The following SDK2 variants were observed in gnomAD, a reference collection of about 807,000 sequenced individuals.
SDK2 encodes the protein sidekick cell adhesion molecule 2.
SDK2 carries 105 observed loss-of-function variants against 253.9 expected under a neutral mutation model. The ratio of observed to expected loss-of-function variants is 0.41; its 90% CI spans 0.35 to 0.49. SDK2 has a LOEUF of 0.49. Ranked by LOEUF, SDK2 falls within the 20% of genes least tolerant of loss-of-function variation. The pLI is 0.06. For missense variants in SDK2, 2,608 were observed against 3,003.0 expected, an observed-to-expected ratio of 0.87 and a Z score of 3.07; for synonymous variants, 1,249 against 1,234.9, an observed-to-expected ratio of 1.01 and a Z score of -0.24.
At position 73,568,871 on chromosome 17, in the gene SDK2, G is replaced by T. The variant is rs537619281; in HGVS notation, c.65-61274C>A. ...GCTGGACAGCAGGGCCCACCTCTCT[G>T]CAGGCTTCATGTACTTTTGTGATAC... is the stretch of plus-strand genomic sequence containing the variant. On this transcript the variant is annotated intron_variant, in intron 1 of 44. Coordinates refer to ENST00000392650, the MANE Select transcript of SDK2 (RefSeq NM_001144952.2). Among the ~76,000 whole-genome samples the T allele has an allele frequency of 2.6e-5, 4 of 152,296 alleles. No individual in the cohort carries two copies. In the South Asian group the frequency reaches 6.2e-4, roughly 24 times the overall value.
intron 18 of SDK2, among the ~76,000 whole-genome samples, chr17:73,405,402 T>C (rs1393592849): frequency 9.0e-6 from 1 of 111,508 alleles, no homozygotes; most frequent in African/African-American, 3.5e-5. Context: ...ATTGCGACAC[T>C]GCACTCCAGC....
intron 40 of SDK2, among the ~76,000 whole-genome samples, chr17:73,355,184 T>TTTTTTTTTTTTTTTTTTTC (rs1568363079): frequency 2.2e-5 from 1 of 44,774 alleles, no homozygotes; most frequent in African/African-American, 1.9e-4. Context: ...ATTTTTTTTT[T>TTTTTTTTTTTTTTTTTTTC]TTTTTTTTTT....
chr17:73,374,198 C>A (rs1184360376), intron 36 of SDK2, among the ~76,000 whole-genome samples: 1 of 144,752 alleles, frequency 6.9e-6, no homozygotes, highest in Non-Finnish European at 1.5e-5. Flanking sequence ...TAATCTCTAG[C>A]TTTCAGTACC....
intron 1 of SDK2, among the ~76,000 whole-genome samples, chr17:73,528,797 T>C (rs149889944): frequency 4.6e-5 from 7 of 152,316 alleles, no homozygotes; most frequent in African/African-American, 1.7e-4. Flanking sequence ...GAAGCTTTTA[T>C]TTCCCGGTGA....
At position 73,389,275 on chromosome 17, in the gene SDK2, G is replaced by A. The variant is rs148942776; in HGVS notation, c.4192+1012C>T. 2.7e-3 allele frequency among the ~76,000 whole-genome samples: 386 copies of A among 144,334 alleles called. 4 individuals carry two copies. Among genetic ancestry groups the A allele is most frequent in the African/African-American group, 9.2e-3 (356 of 38,642 alleles). The allele number at this position is 144,334 out of a possible 152,430, so 94.7% of individuals were successfully genotyped here. ...CTCAGCTCACTGTGACCTCCGCCTC[G>A]CAGGTTCAAGCGATTCTTTTGCCTC... On this transcript the variant is annotated intron_variant, in intron 29 of 44. Coordinates refer to ENST00000392650, the MANE Select transcript of SDK2 (RefSeq NM_001144952.2).
chr17:73,616,399 G>C lies in SDK2; in HGVS notation c.64+27626C>G, dbSNP rs1449758678. On this transcript the variant is annotated intron_variant, in intron 1 of 44. Coordinates refer to ENST00000392650, the MANE Select transcript of SDK2 (RefSeq NM_001144952.2). This position sits in a 1 kb window ranked among gnomAD's most constrained non-coding sequence, Gnocchi z 5.2. The stretch of plus-strand genomic sequence containing the variant: ...CTCAGGAAGGAGAAAAAAACAAGAG[G>C]GAAAGAGGCAAGCAACGGTGATTTC... Among the ~76,000 whole-genome samples the C allele has an allele frequency of 6.6e-6, 1 of 152,134 alleles. No individual in the cohort carries two copies. Among genetic ancestry groups the C allele is most frequent in the African/African-American group, 2.4e-5 (1 of 41,416 alleles).
chr17:73,553,008 A>G (rs1200637208), intron 1 of SDK2, among the ~76,000 whole-genome samples: 1 of 152,148 alleles, frequency 6.6e-6, no homozygotes, highest in Non-Finnish European at 1.5e-5. Context: ...ACCCTTTGGG[A>G]TTGGCTGCAG....
intron 1 of SDK2, among the ~76,000 whole-genome samples, chr17:73,635,521 A>G (rs1567885984): frequency 6.6e-6 from 1 of 152,082 alleles, no homozygotes; most frequent in Non-Finnish European, 1.5e-5. Flanking sequence ...GGAAGGGGGA[A>G]ATTTCCAGAG....
chr17:73,354,253 C>G (rs1389810389), intron 40 of SDK2, among the ~76,000 whole-genome samples: 1 of 152,226 alleles, frequency 6.6e-6, no homozygotes, highest in Non-Finnish European at 1.5e-5. Context: ...CCTGTGCTGG[C>G]GTCAGCCACC....
intron 1 of SDK2, 64 bp from the exon 2 acceptor site, chr17:73,507,661 T>C: frequency 6.6e-7 from 1 of 1,508,844 alleles, no homozygotes. Context: ...CTGGTGCGTT[T>C]AGTATCCTAA....
intron 30 of SDK2, among the ~76,000 whole-genome samples, chr17:73,387,195 A>G (rs932863999): frequency 2.0e-5 from 3 of 152,220 alleles, no homozygotes; most frequent in Admixed American, 2.0e-4. Flanking sequence ...CCTGACCTCA[A>G]GTGATCCTCC....
chr17:73,444,526 A>G (rs868085952), intron 5 of SDK2, among the ~76,000 whole-genome samples: 15 of 152,178 alleles, frequency 9.9e-5, no homozygotes, highest in Admixed American at 3.3e-4. Flanking sequence ...ACTGGATCTC[A>G]CTGCCCCAGA....
At chr17:73,509,023 G>A (rs2063957258) in intron 1 of SDK2, among the ~76,000 whole-genome samples, 1 of 152,190 alleles carries the variant, frequency 6.6e-6, no homozygotes, top group Non-Finnish European at 1.5e-5. Flanking sequence ...ACCTTCCAGT[G>A]ACCACACTGT....
chr17:73,628,469 T>C (rs2046230218), intron 1 of SDK2, among the ~76,000 whole-genome samples: 1 of 152,108 alleles, frequency 6.6e-6, no homozygotes, highest in Non-Finnish European at 1.5e-5. Context: ...CTGCAAAGGC[T>C]CAGTCACTGT....
chr17:73,420,068 C>T (rs912796833), intron 15 of SDK2, among the ~76,000 whole-genome samples: 1 of 152,150 alleles, frequency 6.6e-6, no homozygotes, highest in African/African-American at 2.4e-5. Flanking sequence ...GCCTCCTTTG[C>T]TGGCCAGCTG....
intron 44 of SDK2, among the ~76,000 whole-genome samples, chr17:73,346,527 C>G (rs930944968): frequency 6.6e-6 from 1 of 152,116 alleles, no homozygotes; most frequent in African/African-American, 2.4e-5. Context: ...TGTGTGCATC[C>G]TGCCCTCTGC....
intron 3 of SDK2, among the ~76,000 whole-genome samples, chr17:73,463,404 C>T (rs1046033155): frequency 6.6e-5 from 10 of 152,246 alleles, no homozygotes; most frequent in South Asian, 6.2e-4. Context: ...AAATATGTCA[C>T]GCATACAAAA....
chr17:73,637,197 T>C (rs2046343194), intron 1 of SDK2, among the ~76,000 whole-genome samples: 1 of 152,066 alleles, frequency 6.6e-6, no homozygotes, highest in African/African-American at 2.4e-5. Flanking sequence ...CTGTATGAAA[T>C]GCAGAGACCA....
chr17:73,397,870 G>A (rs997535941), intron 24 of SDK2, among the ~76,000 whole-genome samples, 165 bp downstream of exon 24: 1 of 152,014 alleles, frequency 6.6e-6, no homozygotes, highest in African/African-American at 2.4e-5. Flanking sequence ...ATCGGCGGGC[G>A]GGGGGGCATT....
Sources: gnomAD v4.1 joint callset for allele counts (sites outside exome capture counted in the v4.1 genomes callset) on GRCh38, gnomAD v4.1.1 for gene constraint, Gnocchi (gnomAD v3.1) non-coding constraint, MANE v1.5 for transcripts, NCBI Gene and HGNC (gene_info 2026-07-23, HGNC 2026-07-21) for gene names.